IFT25: variants seen among roughly 807,000 people sequenced by gnomAD.
IFT25 encodes the protein intraflagellar transport protein 25 homolog.
At chr1:53,923,960 T>C in the IFT25 span, 72 of 1,573,560 alleles carry the variant, frequency 4.6e-5, 2 homozygotes, top group Non-Finnish European at 3.5e-6. Context: ...AAAACATAAA[T>C]GTAACAGAAG....
chr1:53,920,725 G>A, the IFT25 span, among the ~76,000 whole-genome samples: 2,043 of 152,314 alleles, frequency 0.013, 51 homozygotes, highest in African/African-American at 0.046. Context: ...CCAATGCTTC[G>A]GGAGGCTGAG....
chr1:53,940,563 A>C, the IFT25 span, among the ~76,000 whole-genome samples: 5 of 152,230 alleles, frequency 3.3e-5, no homozygotes, highest in Admixed American at 6.5e-5. Context: ...TAAATTAAAA[A>C]AACAACTAAA....
At chr1:53,943,553 T>C in the IFT25 span, among the ~76,000 whole-genome samples, 1 of 152,140 alleles carries the variant, frequency 6.6e-6, no homozygotes, top group African/African-American at 2.4e-5. Flanking sequence ...CAAGTATAAA[T>C]AGTGTAAAGC....
chr1:53,921,584 G>A, the IFT25 span: 4 of 874,620 alleles, frequency 4.6e-6, no homozygotes, highest in Non-Finnish European at 7.7e-6. Flanking sequence ...TTTTAATAAA[G>A]TATATCAGTG....
chr1:53,944,531 G>A, the IFT25 span, among the ~76,000 whole-genome samples: 1 of 152,190 alleles, frequency 6.6e-6, no homozygotes, highest in Non-Finnish European at 1.5e-5. Context: ...TGTAATCCCA[G>A]CTACTCCGGA....
At chr1:53,944,242 G>C in the IFT25 span, among the ~76,000 whole-genome samples, 1 of 152,142 alleles carries the variant, frequency 6.6e-6, no homozygotes, top group Non-Finnish European at 1.5e-5. Context: ...CTGGTGACTC[G>C]CCTGTAATCC....
chr1:53,920,607 C>T, the IFT25 span, among the ~76,000 whole-genome samples: 6 of 152,266 alleles, frequency 3.9e-5, 1 homozygote, highest in South Asian at 1.2e-3. Context: ...ATTTGATGTG[C>T]TCACTGATAC....
At chr1:53,930,104 TG>T in the IFT25 span, 1 of 1,575,926 alleles carries the variant, frequency 6.3e-7, no homozygotes, top group South Asian at 1.2e-5. Flanking sequence ...AATGAATTCC[TG>T]GGGAAACATT....
At chr1:53,914,465 A>G in the IFT25 span, among the ~76,000 whole-genome samples, 825 of 152,030 alleles carry the variant, frequency 5.4e-3, 2 homozygotes, top group Middle Eastern at 0.014. Context: ...TTATATTTAT[A>G]AACATATATA....
the IFT25 span, among the ~76,000 whole-genome samples, chr1:53,923,339 C>T: frequency 6.6e-6 from 1 of 152,188 alleles, no homozygotes; most frequent in South Asian, 2.1e-4. Flanking sequence ...AAACCAGGGC[C>T]TGACCAACTA....
At chr1:53,939,955 CTG>C in the IFT25 span, 1 of 1,275,138 alleles carries the variant, frequency 7.8e-7, no homozygotes, top group Non-Finnish European at 1.1e-6. Context: ...CGATTTAAGA[CTG>C]TAAACAACAA....
At chr1:53,913,814 C>T in the IFT25 span, among the ~76,000 whole-genome samples, 1 of 152,188 alleles carries the variant, frequency 6.6e-6, no homozygotes, top group Non-Finnish European at 1.5e-5. Flanking sequence ...CACCAGAGTG[C>T]ACTCTCTGCA....
chr1:53,933,541 G>A, the IFT25 span, among the ~76,000 whole-genome samples: 4 of 152,112 alleles, frequency 2.6e-5, no homozygotes, highest in Non-Finnish European at 5.9e-5. Context: ...TAACTACAGC[G>A]ACTTTCTTAT....
the IFT25 span, among the ~76,000 whole-genome samples, chr1:53,932,180 G>A: frequency 5.9e-5 from 9 of 152,070 alleles, no homozygotes; most frequent in East Asian, 1.9e-4. Context: ...GTGAAACCCC[G>A]TCTCTACTAA....
chr1:53,942,598 A>T, the IFT25 span, among the ~76,000 whole-genome samples: 2 of 152,206 alleles, frequency 1.3e-5, no homozygotes, highest in African/African-American at 2.4e-5. Flanking sequence ...CTGATAAAAC[A>T]TATAGGTTTG....
At chr1:53,938,812 C>G in the IFT25 span, among the ~76,000 whole-genome samples, 1 of 152,094 alleles carries the variant, frequency 6.6e-6, no homozygotes. Flanking sequence ...AGGGGGCTCA[C>G]GCCTGTAATC....
At chr1:53,937,765 G>A in the IFT25 span, among the ~76,000 whole-genome samples, 1 of 152,192 alleles carries the variant, frequency 6.6e-6, no homozygotes, top group South Asian at 2.1e-4. Flanking sequence ...GAGTGTTTCT[G>A]GAAAGTCCTC....
At chr1:53,928,356 C>A in the IFT25 span, 1 of 1,592,254 alleles carries the variant, frequency 6.3e-7, no homozygotes, top group South Asian at 1.1e-5. Context: ...CAGAACAATG[C>A]TGGTGAAACA....
chr1:53,928,021 T>C, the IFT25 span, among the ~76,000 whole-genome samples: 3 of 152,192 alleles, frequency 2.0e-5, no homozygotes, highest in Non-Finnish European at 4.4e-5. Context: ...CTGGTGATAT[T>C]TAAATAGTAC....
Sources: allele counts gnomAD v4.1 joint callset (sites outside exome capture counted in the v4.1 genomes callset), GRCh38; gene constraint gnomAD v4.1.1; transcripts MANE v1.5; gene names NCBI Gene and HGNC (gene_info 2026-07-23, HGNC 2026-07-21).